XPO4: variants seen among roughly 807,000 people sequenced by gnomAD.
The protein encoded by XPO4 is exportin 4, also known as exportin-4.
XPO4 carries 39 observed loss-of-function variants against 143.0 expected under a neutral mutation model. The ratio of observed to expected loss-of-function variants is 0.27; its 90% CI spans 0.21 to 0.36. The LOEUF (loss-of-function observed/expected upper bound fraction) is 0.36. Among genes scored for constraint, XPO4 ranks in the 10% least tolerant of loss-of-function variants. The pLI is 1.00. For synonymous variants in XPO4, 439 were observed against 474.0 expected (o/e 0.93, Z 0.96); for missense variants, 907 against 1,348.0 (o/e 0.67, Z 5.12).
At chr13:20,895,323 T>G (rs925678027) in intron 1 of XPO4, among the ~76,000 whole-genome samples, 1 of 152,176 alleles carries the variant, frequency 6.6e-6, no homozygotes, top group Non-Finnish European at 1.5e-5. Flanking sequence ...TCATTCCCTA[T>G]GCAGCCATTC....
chr13:20,825,679 T>TA (rs1566587803), intron 7 of XPO4, among the ~76,000 whole-genome samples: 2 of 152,214 alleles, frequency 1.3e-5, no homozygotes, highest in African/African-American at 4.8e-5. Flanking sequence ...TTCAGTCAAG[T>TA]GCATAATACA....
intron 9 of XPO4, among the ~76,000 whole-genome samples, chr13:20,819,158 T>C (rs1386672528): frequency 7.2e-5 from 11 of 152,034 alleles, no homozygotes; most frequent in Non-Finnish European, 5.9e-5. Flanking sequence ...ATCCACGTCA[T>C]AAAGCAGTAG....
At chr13:20,896,353 C>T (rs778603191) in intron 1 of XPO4, among the ~76,000 whole-genome samples, 17 of 152,132 alleles carry the variant, frequency 1.1e-4, no homozygotes, top group Non-Finnish European at 1.9e-4. Context: ...CCACCTTAAC[C>T]GGATTGACCT....
chr13:20,836,304 CA>C (rs1241014854), intron 6 of XPO4, among the ~76,000 whole-genome samples: 2 of 150,688 alleles, frequency 1.3e-5, no homozygotes, highest in Non-Finnish European at 3.0e-5. Context: ...CGGTGTAGAT[CA>C]AAAACAATCT....
In XPO4 at chr13:20,783,023, A is replaced by G. The variant is rs2059159247; in HGVS notation, c.*699T>C. Reference sequence around the variant, plus strand: ...AAGCAAGAAAAGCAAGAAAGCAAGCAAGCAAGAAAGCAAGCTAAGAAAAAG... The same window carrying G: ...AAGCAAGAAAAGCAAGAAAGCAAGCGAGCAAGAAAGCAAGCTAAGAAAAAG... On this transcript the variant is annotated 3_prime_UTR_variant, in exon 23 of 23. Coordinates refer to ENST00000255305, the MANE Select transcript of XPO4 (RefSeq NM_022459.5). 6.6e-6 allele frequency: 1 copy of G among 152,328 alleles called. No homozygotes were observed. Among genetic ancestry groups the G allele is most frequent in the African/African-American group, 2.4e-5 (1 of 41,442 alleles). 9.4% of individuals were successfully genotyped at this position (152,328 alleles called of 1,614,324 possible). A position where few individuals can be genotyped will look rare whatever the true frequency, so the allele number is the denominator to read the frequency against.
intron 9 of XPO4, among the ~76,000 whole-genome samples, chr13:20,810,392 T>C (rs1383804244): frequency 6.6e-6 from 1 of 152,006 alleles, no homozygotes; most frequent in African/African-American, 2.4e-5. Flanking sequence ...AAGAAATAAC[T>C]CATAATAAAA....
At chr13:20,837,434 C>A (rs184557117) in intron 6 of XPO4, among the ~76,000 whole-genome samples, 1 of 152,082 alleles carries the variant, frequency 6.6e-6, no homozygotes. Context: ...GAGTCTCACT[C>A]TATCCCTCAG....
At chr13:20,883,277 A>G (rs775276825) in intron 1 of XPO4, among the ~76,000 whole-genome samples, 8 of 152,258 alleles carry the variant, frequency 5.3e-5, no homozygotes, top group Non-Finnish European at 1.2e-4. Context: ...GGAGAAAGAA[A>G]GGAAAGATGT....
intron 4 of XPO4, chr13:20,852,623 A>C: frequency 1.0e-6 from 1 of 960,140 alleles, no homozygotes; most frequent in Non-Finnish European, 1.2e-6. Flanking sequence ...GGTATATTTG[A>C]TTATAATATT....
At chr13:20,892,293 G>C (rs2060525904) in intron 1 of XPO4, among the ~76,000 whole-genome samples, 1 of 152,038 alleles carries the variant, frequency 6.6e-6, no homozygotes, top group African/African-American at 2.4e-5. Flanking sequence ...TCACCATGTT[G>C]GCCAGGTTGG....
At chr13:20,902,494 G>A (rs1185311358) in intron 1 of XPO4, 176 bp downstream of exon 1, 2 of 985,392 alleles carry the variant, frequency 2.0e-6, no homozygotes, top group East Asian at 2.3e-4. Flanking sequence ...AGGGGACGAC[G>A]GCAGGAGGAA....
intron 1 of XPO4, 58 bp from the exon 2 acceptor site, chr13:20,868,759 T>C: frequency 6.7e-7 from 1 of 1,487,738 alleles, no homozygotes. Flanking sequence ...TTAAATAATA[T>C]CAATATTTTT....
At chr13:20,861,313 T>TTTC (rs398021812) in intron 3 of XPO4, among the ~76,000 whole-genome samples, 2 of 151,066 alleles carry the variant, frequency 1.3e-5, no homozygotes, top group East Asian at 3.9e-4. Flanking sequence ...TTTTTTTTTT[T>TTTC]GAGATGGAGT....
intron 3 of XPO4, chr13:20,857,878 A>G (rs933979400): frequency 1.0e-6 from 1 of 985,270 alleles, no homozygotes; most frequent in Non-Finnish European, 1.2e-6. Flanking sequence ...TGTGCATTTC[A>G]CTGTATACAA....
intron 18 of XPO4, among the ~76,000 whole-genome samples, chr13:20,793,342 A>G (rs2059311201): frequency 6.6e-6 from 1 of 152,072 alleles, no homozygotes; most frequent in African/African-American, 2.4e-5. Flanking sequence ...GTCTAGCCTG[A>G]GCATTATAGC....
chr13:20,811,410 C>A (rs1304774940), intron 9 of XPO4, among the ~76,000 whole-genome samples: 1 of 151,614 alleles, frequency 6.6e-6, no homozygotes, highest in Non-Finnish European at 1.5e-5. Context: ...GCCTCAGCCT[C>A]CTGAGTAGCT....
intron 9 of XPO4, among the ~76,000 whole-genome samples, chr13:20,820,303 A>G (rs1228756794): frequency 1.3e-5 from 2 of 152,178 alleles, no homozygotes; most frequent in Non-Finnish European, 2.9e-5. Context: ...CCTCAAATAA[A>G]TTCTGCACTT....
chr13:20,805,016 C>T (rs1157777556), intron 13 of XPO4, among the ~76,000 whole-genome samples: 4 of 151,852 alleles, frequency 2.6e-5, no homozygotes, highest in African/African-American at 9.7e-5. Flanking sequence ...GCAATCTCAG[C>T]TCACTGCAAC....
At chr13:20,807,970 T>C (rs567435445) in intron 12 of XPO4, among the ~76,000 whole-genome samples, 1 of 152,300 alleles carries the variant, frequency 6.6e-6, no homozygotes, top group Non-Finnish European at 1.5e-5. Flanking sequence ...AGGGAATTCA[T>C]TTTCAAAAGT....
Sources: allele counts gnomAD v4.1 joint callset (sites outside exome capture counted in the v4.1 genomes callset), GRCh38; gene constraint gnomAD v4.1.1; transcripts MANE v1.5; gene names NCBI Gene and HGNC (gene_info 2026-07-23, HGNC 2026-07-21).